The following TTC39B variants were observed in gnomAD, a reference collection of about 807,000 sequenced individuals.
The protein encoded by TTC39B is tetratricopeptide repeat domain 39B.
TTC39B carries 92 observed loss-of-function variants against 96.6 expected under a neutral mutation model. That is an observed-to-expected ratio of 0.95 (90% confidence interval 0.80 to 1.13). TTC39B has a LOEUF of 1.13. TTC39B is among the 50% of genes most tolerant of loss of function. The pLI is 0.00. For synonymous variants in TTC39B, 367 were observed against 299.4 expected (o/e 1.23, Z -2.33); for missense variants, 955 against 809.3 (o/e 1.18, Z -2.18).
At chr9:15,302,880 G>A (rs539541889) in intron 1 of TTC39B, among the ~76,000 whole-genome samples, 15 of 147,160 alleles carry the variant, frequency 1.0e-4, no homozygotes, top group African/African-American at 3.0e-4. Context: ...AAAAAGCTAT[G>A]AACATTTGGC....
At chr9:15,198,557 C>T (rs887322230) in intron 8 of TTC39B, among the ~76,000 whole-genome samples, 1 of 150,832 alleles carries the variant, frequency 6.6e-6, no homozygotes, top group Non-Finnish European at 1.5e-5. Flanking sequence ...TCCAGTGCTA[C>T]AATATTAACT....
chr9:15,237,233 T>C (rs1260932013), intron 2 of TTC39B, among the ~76,000 whole-genome samples: 2 of 152,192 alleles, frequency 1.3e-5, no homozygotes, highest in East Asian at 3.9e-4. Context: ...GAGAATTACT[T>C]GAACCCGGGA....
At chr9:15,281,014 T>C (rs1350796393) in intron 1 of TTC39B, among the ~76,000 whole-genome samples, 1 of 151,640 alleles carries the variant, frequency 6.6e-6, no homozygotes. Context: ...ATTTCTTTTT[T>C]CTTTCTTTTT....
At chr9:15,209,806 G>A (rs1384355075) in intron 6 of TTC39B, among the ~76,000 whole-genome samples, 1 of 152,012 alleles carries the variant, frequency 6.6e-6, no homozygotes, top group Admixed American at 6.5e-5. Context: ...AATTCACATT[G>A]TAGGACAACA....
intron 6 of TTC39B, among the ~76,000 whole-genome samples, chr9:15,205,040 G>C (rs1179424847): frequency 1.3e-5 from 2 of 152,224 alleles, no homozygotes; most frequent in African/African-American, 4.8e-5. Context: ...TTAGGAGCCT[G>C]AGCTGCTAAA....
intron 8 of TTC39B, among the ~76,000 whole-genome samples, chr9:15,198,984 A>T (rs1377678626): frequency 6.6e-6 from 1 of 152,248 alleles, no homozygotes; most frequent in African/African-American, 2.4e-5. Context: ...TTAATTCATT[A>T]GGAAGACAGA....
At chr9:15,285,444 C>T (rs892635007) in intron 1 of TTC39B, among the ~76,000 whole-genome samples, 1 of 152,160 alleles carries the variant, frequency 6.6e-6, no homozygotes, top group Non-Finnish European at 1.5e-5. Flanking sequence ...GTAATAGATA[C>T]CCCAATTACC....
chr9:15,262,730 C>T (rs191144471), intron 2 of TTC39B, among the ~76,000 whole-genome samples: 34 of 152,272 alleles, frequency 2.2e-4, no homozygotes, highest in African/African-American at 8.2e-4. Flanking sequence ...CCTCCTTCAT[C>T]TGTTAGTGTG....
chr9:15,199,905 G>T (rs768229205), exon 8 of TTC39B: 1 of 1,543,246 alleles, frequency 6.5e-7, no homozygotes, highest in Non-Finnish European at 8.8e-7. Context: ...CACCTTTGAT[G>T]AAGTTGATCA....
chr9:15,184,076 T>A (rs1456561473), intron 16 of TTC39B, among the ~76,000 whole-genome samples: 1 of 151,462 alleles, frequency 6.6e-6, no homozygotes, highest in East Asian at 1.9e-4. Context: ...CAATGAAAAA[T>A]TAGGAAAGAA....
At chr9:15,210,735 T>G (rs55645275) in intron 5 of TTC39B, among the ~76,000 whole-genome samples, 1,589 of 152,252 alleles carry the variant, frequency 0.01, 13 homozygotes, top group Non-Finnish European at 0.017. Context: ...ACCAAGCATC[T>G]TCCATACTGT....
intron 8 of TTC39B, among the ~76,000 whole-genome samples, chr9:15,195,133 C>G (rs552497318): frequency 7.2e-5 from 11 of 152,308 alleles, no homozygotes; most frequent in African/African-American, 2.6e-4. Flanking sequence ...ATTAAAAGTG[C>G]TACTTCAGTG....
chr9:15,191,800 A>G (rs1818872304), intron 9 of TTC39B, among the ~76,000 whole-genome samples: 1 of 152,194 alleles, frequency 6.6e-6, no homozygotes, highest in Non-Finnish European at 1.5e-5. Flanking sequence ...GATTCAGGGG[A>G]TGTAGACAAT....
At chr9:15,214,800 A>G (rs1820418354) in intron 3 of TTC39B, among the ~76,000 whole-genome samples, 1 of 152,156 alleles carries the variant, frequency 6.6e-6, no homozygotes, top group African/African-American at 2.4e-5. Context: ...TATCTATATG[A>G]GTCATGATTT....
intron 3 of TTC39B, among the ~76,000 whole-genome samples, chr9:15,218,632 T>TAAAAAAAAAAAAAAAATATATATA (rs545882970): frequency 2.9e-5 from 3 of 105,110 alleles, no homozygotes; most frequent in African/African-American, 1.1e-4. Context: ...TTAGTCTATT[T>TAAAAAAAAAAAAAAAATATATATA]TAAATATATA....
At chr9:15,190,778 G>T in intron 10 of TTC39B, 116 bp from the exon 11 acceptor site, 6 of 820,880 alleles carry the variant, frequency 7.3e-6, no homozygotes, top group African/African-American at 1.7e-5. Context: ...CATATATTAC[G>T]CTGTGGTGAA....
intron 3 of TTC39B, among the ~76,000 whole-genome samples, chr9:15,215,498 A>C (rs1001067303): frequency 1.6e-4 from 24 of 152,098 alleles, no homozygotes; most frequent in Admixed American, 1.5e-3. Context: ...TGGAGGTTGC[A>C]ATGAGCCAAG....
chr9:15,258,602 G>T (rs1003458997), intron 2 of TTC39B, among the ~76,000 whole-genome samples: 1 of 152,224 alleles, frequency 6.6e-6, no homozygotes, highest in Non-Finnish European at 1.5e-5. Flanking sequence ...GGAACTCAGT[G>T]TAAGAGCAAA....
chr9:15,206,988 C>T (rs1453075201), intron 6 of TTC39B, among the ~76,000 whole-genome samples: 3 of 152,158 alleles, frequency 2.0e-5, no homozygotes, highest in South Asian at 2.1e-4. Flanking sequence ...TGAGTTCTCA[C>T]GAGATCTGAT....
Sources: allele counts gnomAD v4.1 joint callset (sites outside exome capture counted in the v4.1 genomes callset), GRCh38; gene constraint gnomAD v4.1.1; transcripts MANE v1.5; gene names NCBI Gene and HGNC (gene_info 2026-07-23, HGNC 2026-07-21).